The following ARHGEF4 variants were observed in gnomAD, a reference collection of about 807,000 sequenced individuals.
The protein encoded by ARHGEF4 is Rho guanine nucleotide exchange factor 4.
Under a neutral mutation model 162.0 loss-of-function variants are expected in ARHGEF4, and 119 were observed. That is an observed-to-expected ratio of 0.73 (90% confidence interval 0.63 to 0.86). The LOEUF (loss-of-function observed/expected upper bound fraction) is 0.86, where lower values mean the gene tolerates loss of function less well. Among genes scored for constraint, ARHGEF4 ranks in the 40% least tolerant of loss-of-function variants. ARHGEF4 has a pLI of 0.00. For synonymous variants in ARHGEF4, 1,014 were observed against 979.9 expected, an observed-to-expected ratio of 1.03 and a Z score of -0.65; for missense variants, 2,488 against 2,456.0, an observed-to-expected ratio of 1.01 and a Z score of -0.28.
At chr2:130,995,382 C>T (rs936709025) in intron 4 of ARHGEF4, among the ~76,000 whole-genome samples, 1 of 152,092 alleles carries the variant, frequency 6.6e-6, no homozygotes, top group African/African-American at 2.4e-5. Context: ...GGAGTTTTTA[C>T]TTCTCCATTG....
chr2:130,933,623 A>G lies in ARHGEF4; in HGVS notation c.3858+2366A>G, dbSNP rs1295687484. On this transcript the variant is annotated intron_variant, in intron 3 of 13. Coordinates refer to ENST00000409359, the MANE Select transcript of ARHGEF4 (RefSeq NM_001367493.1). ...CTTTCAGCAGTGTTTTGTAGTTTTC[A>G]CTGTAAAAAGTCTTGCACATCCTTG... Among the ~76,000 whole-genome samples, 5 of 152,162 alleles carry G rather than the reference A, an allele frequency of 3.3e-5. No homozygotes were observed. The East Asian group carries it at 9.6e-4, about 29-fold the overall frequency.
At chr2:130,991,931 ATCTT>A (rs1292007403) in intron 4 of ARHGEF4, among the ~76,000 whole-genome samples, 2 of 152,216 alleles carry the variant, frequency 1.3e-5, no homozygotes, top group East Asian at 3.9e-4. Context: ...GACGTGGAGA[ATCTT>A]TATGTCTAGC....
At position 130,946,532 on chromosome 2, in the gene ARHGEF4, C is replaced by A. The variant is rs1347497920; in HGVS notation, c.3882C>A (p.Thr1294=). The stretch of plus-strand genomic sequence containing the variant: ...AGTGCTGGAGAAAGACGATCATTAC[C>A]TCTCCAGAGTCTTTGAATCTCCCTA... ...GVKCWRKTII[T]SPESLNLPRR... The change falls in exon 4 of 14, where the codon ACC becomes ACA. Residue 1294 remains threonine, a synonymous_variant. Transcript: ENST00000409359. 1 of 1,613,274 alleles carries A rather than the reference C, an allele frequency of 6.2e-7. No homozygotes were observed. Among genetic ancestry groups the A allele is most frequent in the East Asian group, 2.2e-5 (1 of 44,876 alleles).
chr2:130,975,262 T>C (rs1202219434), intron 4 of ARHGEF4, among the ~76,000 whole-genome samples: 1 of 152,242 alleles, frequency 6.6e-6, no homozygotes, highest in Non-Finnish European at 1.5e-5. Context: ...TTTCTGTATT[T>C]CCTGATGCTT....
At chr2:131,028,163 G>C in intron 5 of ARHGEF4, 79 bp downstream of exon 5, 1 of 1,552,026 alleles carries the variant, frequency 6.4e-7, no homozygotes, top group Non-Finnish European at 8.7e-7. Context: ...ATGCAGGCCA[G>C]ATGCCCACAG....
chr2:130,909,730 G>A (rs1035464285), intron 1 of ARHGEF4, among the ~76,000 whole-genome samples: 2 of 152,088 alleles, frequency 1.3e-5, no homozygotes, highest in Non-Finnish European at 2.9e-5. Context: ...TGTCACAGGC[G>A]CCTCTGCTGG....
chr2:130,884,842 C>T (rs1291365725), intron 1 of ARHGEF4, among the ~76,000 whole-genome samples: 1 of 152,028 alleles, frequency 6.6e-6, no homozygotes, highest in African/African-American at 2.4e-5. Flanking sequence ...CGCCATAGAA[C>T]AGTGATGATT....
intron 1 of ARHGEF4, among the ~76,000 whole-genome samples, chr2:130,889,653 A>C (rs1426569852): frequency 1.3e-5 from 2 of 151,066 alleles, no homozygotes; most frequent in Admixed American, 1.3e-4. Flanking sequence ...TCTACTAAAA[A>C]TACAAAAAAT....
chr2:131,016,326 G>T (rs1040642567), intron 4 of ARHGEF4, among the ~76,000 whole-genome samples: 3 of 152,204 alleles, frequency 2.0e-5, no homozygotes, highest in African/African-American at 2.4e-5. Context: ...CCCTGCGTGT[G>T]TCTGTGGCGC....
At chr2:131,022,671 A>C (rs1270872865) in intron 4 of ARHGEF4, among the ~76,000 whole-genome samples, 2 of 145,964 alleles carry the variant, frequency 1.4e-5, no homozygotes, top group African/African-American at 2.5e-5. Context: ...AAAAAAAAAA[A>C]CAAAAACCCC....
At chr2:130,883,324 C>T (rs1185677731) in intron 1 of ARHGEF4, among the ~76,000 whole-genome samples, 1 of 152,066 alleles carries the variant, frequency 6.6e-6, no homozygotes, top group African/African-American at 2.4e-5. Flanking sequence ...GCAGCCCCTT[C>T]CTGAATGATG....
At chr2:130,846,073 G>A (rs557328877) in intron 1 of ARHGEF4, among the ~76,000 whole-genome samples, 1 of 152,314 alleles carries the variant, frequency 6.6e-6, no homozygotes, top group African/African-American at 2.4e-5. Context: ...GGCCCACCTC[G>A]GCCAGAAGGC....
intron 5 of ARHGEF4, chr2:131,035,142 C>T (rs1172368479): frequency 3.3e-6 from 4 of 1,201,780 alleles, no homozygotes; most frequent in Non-Finnish European, 4.1e-6. Context: ...CCGGGAACGC[C>T]CTGCGCGCCC....
chr2:131,038,975 G>C lies in ARHGEF4; in HGVS notation c.4248G>C (p.Glu1416Asp), dbSNP rs114893794. 3 of 1,613,738 alleles carry C rather than the reference G, an allele frequency of 1.9e-6. No homozygotes were observed. Among genetic ancestry groups the C allele is most frequent in the East Asian group, 2.2e-5 (1 of 44,870 alleles). The change falls in exon 6 of 14, where the codon GAG becomes GAC. Residue 1416 changes from glutamate (E) to aspartate (D), a missense_variant. Transcript: ENST00000409359. Reference protein sequence around the residue: ...VIEVMDATNREWWWGRVADGE... With the variant: ...VIEVMDATNRDWWWGRVADGE... ...AAGTGATGGATGCCACCAACAGAGA[G>C]TGGTGGTGGGGCCGGGTCGCCGATG...
rs745725712 is a variant in ARHGEF4 at position 131,040,065 on chromosome 2, G to C, written c.4355G>C (p.Gly1452Ala). ...EPADDDAPLA[G>A]NSGAEDGGAE... ...GCGGATGACGACGCCCCTCTGGCCG[G>C]GAACAGCGGAGCGGAGGACGGCGGG... Residue 1452 changes from glycine (G) to alanine (A), a missense_variant, in exon 7 of 14, where the codon GGG becomes GCG. Gly to Ala is a moderately conservative substitution (Grantham distance 60). Transcript: ENST00000409359. 1 of 1,595,080 alleles carries C rather than the reference G, an allele frequency of 6.3e-7. No individual in the cohort carries two copies. The highest frequency in any genetic ancestry group is 8.5e-7 in the Non-Finnish European group (1 of 1,171,390).
intron 4 of ARHGEF4, among the ~76,000 whole-genome samples, chr2:130,997,045 C>A (rs997141279): frequency 6.6e-6 from 1 of 152,172 alleles, no homozygotes; most frequent in Non-Finnish European, 1.5e-5. Flanking sequence ...GCATAAAAAT[C>A]GAGCAATCAC....
intron 4 of ARHGEF4, among the ~76,000 whole-genome samples, chr2:130,991,642 G>A (rs569758618): frequency 1.3e-5 from 2 of 152,366 alleles, no homozygotes; most frequent in South Asian, 2.1e-4. Flanking sequence ...GCCCACCCGC[G>A]CTGCACTAGA....
At chr2:131,026,177 T>C (rs1025432439) in intron 4 of ARHGEF4, among the ~76,000 whole-genome samples, 2 of 152,198 alleles carry the variant, frequency 1.3e-5, no homozygotes, top group Non-Finnish European at 2.9e-5. Flanking sequence ...TTATTATCCT[T>C]ACAGAAGAAA....
At position 130,932,315 on chromosome 2, in the gene ARHGEF4, T is replaced by C. The variant is rs370515050; in HGVS notation, c.3858+1058T>C. Among the ~76,000 whole-genome samples the C allele has an allele frequency of 8.7e-4, 133 of 152,324 alleles. 3 individuals are homozygous for C. The South Asian group carries it at 0.018, about 20-fold the overall frequency. ...GTTCATCCATACATCCATTCCTGAGTAGCTCTTCATCCATTTCTGAGTAGC... is the reference window on the plus strand; with the variant it reads ...GTTCATCCATACATCCATTCCTGAGCAGCTCTTCATCCATTTCTGAGTAGC... On this transcript the variant is annotated intron_variant, in intron 3 of 13. Coordinates refer to ENST00000409359, the MANE Select transcript of ARHGEF4 (RefSeq NM_001367493.1).
Sources: allele counts gnomAD v4.1 joint callset (sites outside exome capture counted in the v4.1 genomes callset), GRCh38; gene constraint gnomAD v4.1.1; transcripts MANE v1.5; gene names NCBI Gene and HGNC (gene_info 2026-07-23, HGNC 2026-07-21).